Variants in PIAS1 observed in about 807,000 individuals in gnomAD.
The protein encoded by PIAS1 is protein inhibitor of activated STAT 1, also known as E3 SUMO-protein ligase PIAS1.
A neutral mutation model predicts 71.3 loss-of-function variants in PIAS1; 6 were observed. The ratio of observed to expected loss-of-function variants is 0.08; its 90% CI spans 0.05 to 0.17. PIAS1 has a LOEUF of 0.17. PIAS1 is among the 10% of genes least tolerant of loss of function. The probability of loss-of-function intolerance (pLI) is 1.00; values close to 1 mark genes in which losing one functional copy is unlikely to be tolerated. For missense variants in PIAS1, 555 were observed against 793.6 expected (o/e 0.70, Z 3.61); for synonymous variants, 303 against 292.9 (o/e 1.03, Z -0.35).
rs1595768455 is a variant in PIAS1 at position 68,151,078 on chromosome 15, T to C, written c.829-2512T>C. ...CAGTATAATATAATATAATATAGTA[T>C]AATATATATCAGTAGTTGGAATTAG... On this transcript the variant is annotated intron_variant, in intron 6 of 13. Transcript: ENST00000249636. Among the ~76,000 whole-genome samples the C allele has an allele frequency of 2.0e-5, 3 of 151,620 alleles. No individual in the cohort carries two copies. The East Asian group carries it at 5.8e-4, about 29-fold the overall frequency.
At chr15:68,143,119 T>C (rs2092783686) in intron 4 of PIAS1, among the ~76,000 whole-genome samples, 1 of 152,046 alleles carries the variant, frequency 6.6e-6, no homozygotes, top group Non-Finnish European at 1.5e-5. Flanking sequence ...TATTATGCTT[T>C]ATTATTCGAT....
intron 1 of PIAS1, among the ~76,000 whole-genome samples, chr15:68,065,719 C>T (rs964842194): frequency 4.0e-5 from 6 of 148,714 alleles, no homozygotes; most frequent in South Asian, 2.1e-4. Context: ...TTGCACTGAA[C>T]GAATGTGCTT....
intron 11 of PIAS1, 38 bp downstream of exon 11, chr15:68,176,692 A>G: frequency 7.1e-7 from 1 of 1,408,510 alleles, no homozygotes; most frequent in Non-Finnish European, 9.6e-7. Context: ...AGTAATCATG[A>G]AAATTAACTT....
At chr15:68,121,342 G>T (rs2092611868) in intron 2 of PIAS1, among the ~76,000 whole-genome samples, 1 of 150,674 alleles carries the variant, frequency 6.6e-6, no homozygotes, top group Non-Finnish European at 1.5e-5. Flanking sequence ...TTTTTGACAA[G>T]AAATCTGCTG....
intron 2 of PIAS1, among the ~76,000 whole-genome samples, chr15:68,092,144 A>G (rs1040585438): frequency 1.3e-5 from 2 of 152,182 alleles, no homozygotes; most frequent in South Asian, 4.1e-4. Context: ...GGTATGAGGC[A>G]TAATAATTAT....
At chr15:68,140,601 T>C (rs1381889490) in intron 2 of PIAS1, among the ~76,000 whole-genome samples, 1 of 152,208 alleles carries the variant, frequency 6.6e-6, no homozygotes, top group Non-Finnish European at 1.5e-5. Context: ...TTAAAGATAC[T>C]GTTAATGTTG....
Position 68,173,626 on chromosome 15 carries a change from A to G in PIAS1, c.1009-106A>G, listed in dbSNP as rs60876730. Reference sequence around the variant, plus strand: ...TACATTGATGAAAAGTCAACACTGTATGCTTTAAATCAGCATGCCTACCTG... The same window carrying G: ...TACATTGATGAAAAGTCAACACTGTGTGCTTTAAATCAGCATGCCTACCTG... On this transcript the variant is annotated intron_variant, in intron 8 of 13. Transcript: ENST00000249636. This position sits in a 1 kb window ranked among gnomAD's most constrained non-coding sequence, Gnocchi z 4.3. 1.8e-3 allele frequency: 1,090 copies of G among 611,046 alleles called. 7 individuals carry two copies. The highest frequency in any genetic ancestry group is 0.014 in the African/African-American group (758 of 53,834). 37.9% of individuals were successfully genotyped at this position (611,046 alleles called of 1,614,324 possible).
intron 2 of PIAS1, among the ~76,000 whole-genome samples, chr15:68,128,110 T>C (rs2092664624): frequency 6.6e-6 from 1 of 152,094 alleles, no homozygotes; most frequent in African/African-American, 2.4e-5. Flanking sequence ...AACTTAGCAG[T>C]CTAGAATGGG....
intron 1 of PIAS1, chr15:68,057,506 A>G (rs766136753): frequency 1.3e-5 from 6 of 444,916 alleles, no homozygotes; most frequent in Non-Finnish European, 1.8e-5. Flanking sequence ...GAAGAAGTCC[A>G]TCAGCATTTT....
chr15:68,124,907 T>G (rs949471632), intron 2 of PIAS1, among the ~76,000 whole-genome samples: 1 of 152,210 alleles, frequency 6.6e-6, no homozygotes, highest in African/African-American at 2.4e-5. Context: ...CATTGCAAAT[T>G]GTTGCATTTT....
rs1326706609 is a variant in PIAS1, at chr15:68,193,050, T to G, written c.*5215T>G. ...AAGCCTAGTGCTCCTACTACTGTTTTCCAGGGCTGTTGTACCCTGGCCATT... is the reference window on the plus strand; with the variant it reads ...AAGCCTAGTGCTCCTACTACTGTTTGCCAGGGCTGTTGTACCCTGGCCATT... On this transcript the variant is annotated 3_prime_UTR_variant, in exon 14 of 14. Coordinates refer to ENST00000249636, the MANE Select transcript of PIAS1 (RefSeq NM_016166.3). The G allele has an allele frequency of 6.6e-6, 1 of 152,268 alleles. No individual in the cohort carries two copies. Among genetic ancestry groups the G allele is most frequent in the Non-Finnish European group, 1.5e-5 (1 of 68,088 alleles). The allele number at this position is 152,268 out of a possible 1,614,324, so 9.4% of individuals were successfully genotyped here. A position where few individuals can be genotyped will look rare whatever the true frequency, so the allele number is the denominator to read the frequency against.
At chr15:68,130,693 T>G (rs2092683442) in intron 2 of PIAS1, among the ~76,000 whole-genome samples, 1 of 151,448 alleles carries the variant, frequency 6.6e-6, no homozygotes, top group African/African-American at 2.4e-5. Context: ...AAGCTATCAT[T>G]CAGTTTCACT....
chr15:68,057,449 A>G (rs902059310), intron 1 of PIAS1: 3 of 426,900 alleles, frequency 7.0e-6, no homozygotes, highest in Non-Finnish European at 1.4e-5. Context: ...GTAAAACTCA[A>G]ACCAAGTTAT....
At chr15:68,108,240 T>C (rs370808259) in intron 2 of PIAS1, among the ~76,000 whole-genome samples, 1 of 152,174 alleles carries the variant, frequency 6.6e-6, no homozygotes, top group Non-Finnish European at 1.5e-5. Flanking sequence ...ACTCCAGTCA[T>C]GCTTTTGCTT....
At chr15:68,121,080 A>G (rs1226722340) in intron 2 of PIAS1, among the ~76,000 whole-genome samples, 4 of 152,194 alleles carry the variant, frequency 2.6e-5, no homozygotes, top group East Asian at 3.8e-4. Context: ...TCTTTTGTGT[A>G]TATCCAGATT....
At chr15:68,142,981 T>C (rs927770533) in intron 4 of PIAS1, among the ~76,000 whole-genome samples, 3 of 152,126 alleles carry the variant, frequency 2.0e-5, no homozygotes, top group African/African-American at 4.8e-5. Flanking sequence ...CAACCCCTTA[T>C]TGAGTTTCTT....
chr15:68,076,639 C>T (rs746924336), intron 1 of PIAS1, among the ~76,000 whole-genome samples: 3 of 152,168 alleles, frequency 2.0e-5, no homozygotes, highest in East Asian at 1.9e-4. Context: ...ATGATATGCT[C>T]AGGGCCCTAG....
chr15:68,068,893 CTTTTT>C (rs11298983), intron 1 of PIAS1, among the ~76,000 whole-genome samples: 1 of 76,652 alleles, frequency 1.3e-5, no homozygotes. Flanking sequence ...TGTTTTTGTC[CTTTTT>C]TTTTTTTTTT....
intron 2 of PIAS1, among the ~76,000 whole-genome samples, chr15:68,103,518 A>G (rs549258198): frequency 3.9e-5 from 6 of 152,230 alleles, no homozygotes; most frequent in South Asian, 4.1e-4. Context: ...TGGTTTTACT[A>G]TATCCACAGA....
Sources: gnomAD v4.1 joint callset for allele counts (sites outside exome capture counted in the v4.1 genomes callset) on GRCh38, gnomAD v4.1.1 for gene constraint, Gnocchi (gnomAD v3.1) non-coding constraint, MANE v1.5 for transcripts, NCBI Gene and HGNC (gene_info 2026-07-23, HGNC 2026-07-21) for gene names.